ADCY8: variants seen among roughly 807,000 people sequenced by gnomAD.
The protein encoded by ADCY8 is adenylate cyclase type 8.
In ADCY8, 51 loss-of-function variants were observed where a neutral mutation model predicts 119.7. The ratio of observed to expected loss-of-function variants is 0.43; its 90% CI spans 0.34 to 0.54. The LOEUF is 0.54. Among genes scored for constraint, ADCY8 ranks in the 20% least tolerant of loss-of-function variants. ADCY8 has a pLI of 0.03. For missense variants in ADCY8, 1,383 were observed against 1,598.8 expected, an observed-to-expected ratio of 0.87 and a Z score of 2.30; for synonymous variants, 665 against 651.0, an observed-to-expected ratio of 1.02 and a Z score of -0.33.
Position 130,999,773 on chromosome 8 carries a change from C to A in ADCY8, c.961-9231G>T, listed in dbSNP as rs569303530. On this transcript the variant is annotated intron_variant, in intron 1 of 17. Transcript: ENST00000286355. ...AGTGTGATTGTGTGCGTGGAAAGAC[C>A]AGCTCTGGGAAAGTGATCCCTGGAT... is the stretch of plus-strand genomic sequence containing the variant. Among the ~76,000 whole-genome samples, 20 of 152,320 alleles carry A rather than the reference C, an allele frequency of 1.3e-4. 1 individual carries two copies. Among genetic ancestry groups the A allele is most frequent in the African/African-American group, 4.3e-4 (18 of 41,584 alleles).
intron 6 of ADCY8, among the ~76,000 whole-genome samples, chr8:130,907,501 A>C (rs1211888439): frequency 6.6e-6 from 1 of 152,214 alleles, no homozygotes; most frequent in Non-Finnish European, 1.5e-5. Flanking sequence ...CGTGCTTTAT[A>C]AGCACTATCA....
At chr8:130,948,850 G>C (rs1056986650) in intron 3 of ADCY8, among the ~76,000 whole-genome samples, 1 of 152,006 alleles carries the variant, frequency 6.6e-6, no homozygotes, top group East Asian at 1.9e-4. Flanking sequence ...TGCTTTCAAG[G>C]CTCCGGTCTT....
rs745990940 is a variant in ADCY8, at chr8:130,990,388, G to A, written c.1110+5C>T. The stretch of plus-strand genomic sequence containing the variant: ...ACTAAAACACACAGCCTTGTCAGTT[G>A]GTACCTGTCTTTGGTTCTCTGTCTC... On this transcript the variant is annotated splice_donor_5th_base_variant and intron_variant, in intron 2 of 17. Coordinates refer to ENST00000286355, the MANE Select transcript of ADCY8 (RefSeq NM_001115.3). 1 of 1,613,946 alleles carries A rather than the reference G, an allele frequency of 6.2e-7. No homozygotes were observed.
At chr8:130,947,753 C>T (rs2130649218) in intron 3 of ADCY8, among the ~76,000 whole-genome samples, 2 of 152,296 alleles carry the variant, frequency 1.3e-5, no homozygotes, top group Middle Eastern at 6.8e-3. Context: ...CCCAGACAGA[C>T]CCACAAAATG....
chr8:130,795,087 CA>C (rs1398855698), intron 15 of ADCY8, among the ~76,000 whole-genome samples: 1 of 152,124 alleles, frequency 6.6e-6, no homozygotes, highest in Admixed American at 6.5e-5. Flanking sequence ...CCACAGTATA[CA>C]AAGCATAAAT....
chr8:131,009,093 C>T lies in ADCY8; in HGVS notation c.961-18551G>A, dbSNP rs532030982. 2.0e-5 allele frequency among the ~76,000 whole-genome samples: 3 copies of T among 152,190 alleles called. 1 individual carries two copies. The highest frequency in any genetic ancestry group is 4.1e-4 in the South Asian group (2 of 4,820). On this transcript the variant is annotated intron_variant, in intron 1 of 17. Coordinates refer to ENST00000286355, the MANE Select transcript of ADCY8 (RefSeq NM_001115.3). ...AAAATCCATTTTCTGGAGAGAAATT[C>T]GAGCCAGCTGGAGAAATTTGCATAA...
chr8:130,995,789 C>T (rs1359998089), intron 1 of ADCY8, among the ~76,000 whole-genome samples: 1 of 152,074 alleles, frequency 6.6e-6, no homozygotes, highest in Non-Finnish European at 1.5e-5. Flanking sequence ...ATTCCTGCAC[C>T]CTGTGAATTT....
At chr8:131,034,238 C>A (rs920612606) in intron 1 of ADCY8, among the ~76,000 whole-genome samples, 2 of 152,004 alleles carry the variant, frequency 1.3e-5, no homozygotes, top group Non-Finnish European at 2.9e-5. Flanking sequence ...CTACAAAGAA[C>A]CTTAGACTTA....
chr8:130,912,834 T>G (rs1314006395), intron 5 of ADCY8, among the ~76,000 whole-genome samples: 1 of 152,112 alleles, frequency 6.6e-6, no homozygotes, highest in Non-Finnish European at 1.5e-5. Flanking sequence ...TTATATCTAC[T>G]GACAATGAAA....
At chr8:130,843,294 G>T (rs952363075) in intron 11 of ADCY8, among the ~76,000 whole-genome samples, 1 of 152,132 alleles carries the variant, frequency 6.6e-6, no homozygotes, top group African/African-American at 2.4e-5. Flanking sequence ...TGAGTTCCAG[G>T]TACTGATCCT....
chr8:130,861,398 A>C (rs1817924299), intron 9 of ADCY8, among the ~76,000 whole-genome samples: 1 of 152,210 alleles, frequency 6.6e-6, no homozygotes, highest in Non-Finnish European at 1.5e-5. Flanking sequence ...GATTTCTTGT[A>C]CAAATTTTGT....
intron 4 of ADCY8, among the ~76,000 whole-genome samples, chr8:130,940,488 A>T (rs887203322): frequency 6.6e-6 from 1 of 151,934 alleles, no homozygotes; most frequent in Non-Finnish European, 1.5e-5. Flanking sequence ...ATATACGCAT[A>T]TATATTATAT....
At chr8:130,958,117 C>T (rs118180063) in intron 2 of ADCY8, among the ~76,000 whole-genome samples, 3,617 of 152,088 alleles carry the variant, frequency 0.024, 170 homozygotes, top group East Asian at 0.2. Context: ...CTTTGGGTTA[C>T]GACATGTGGG....
chr8:130,921,444 CTTTT>C (rs371779113), intron 5 of ADCY8, among the ~76,000 whole-genome samples: 12,581 of 132,442 alleles, frequency 0.095, 578 homozygotes, highest in Non-Finnish European at 0.11. Context: ...TTTTCTTTTT[CTTTT>C]CTTTTTTTTT....
intron 5 of ADCY8, among the ~76,000 whole-genome samples, chr8:130,934,528 A>AGATTT (rs1230587568): frequency 1.3e-5 from 2 of 152,222 alleles, no homozygotes; most frequent in Non-Finnish European, 2.9e-5. Flanking sequence ...ATTTGACATG[A>AGATTT]GATTTGGGTG....
intron 2 of ADCY8, among the ~76,000 whole-genome samples, chr8:130,982,867 G>A (rs943033749): frequency 6.6e-6 from 1 of 152,104 alleles, no homozygotes; most frequent in Non-Finnish European, 1.5e-5. Flanking sequence ...TTAACATCTG[G>A]TGTGTATTGT....
intron 2 of ADCY8, among the ~76,000 whole-genome samples, chr8:130,953,819 A>T (rs145426925): frequency 1.3e-5 from 2 of 152,302 alleles, no homozygotes; most frequent in Non-Finnish European, 2.9e-5. Context: ...TTATTAATGA[A>T]ATGCCCATTG....
Position 130,842,016 on chromosome 8 carries a change from C to T in ADCY8, c.2502+5408G>A, listed in dbSNP as rs372886002. On this transcript the variant is annotated intron_variant, in intron 11 of 17. Transcript: ENST00000286355. Reference sequence around the variant, plus strand: ...TGATGGGAAGATGGCTGGTCTGACTCTCCAGGGTGTTCACTGGGTTGTGTT... The same window carrying T: ...TGATGGGAAGATGGCTGGTCTGACTTTCCAGGGTGTTCACTGGGTTGTGTT... 2.0e-5 allele frequency among the ~76,000 whole-genome samples: 3 copies of T among 152,176 alleles called. No homozygotes were observed. In the East Asian group the frequency reaches 5.8e-4, roughly 29 times the overall value.
chr8:130,894,262 CT>C (rs966349716), intron 7 of ADCY8, among the ~76,000 whole-genome samples: 2 of 152,106 alleles, frequency 1.3e-5, no homozygotes, highest in Non-Finnish European at 2.9e-5. Flanking sequence ...ACATTGCTAC[CT>C]CTTTGGGGTT....
Sources: allele counts gnomAD v4.1 joint callset (sites outside exome capture counted in the v4.1 genomes callset), GRCh38; gene constraint gnomAD v4.1.1; transcripts MANE v1.5; gene names NCBI Gene and HGNC (gene_info 2026-07-23, HGNC 2026-07-21).